The following MGAT4C variants were observed in gnomAD, a reference collection of about 807,000 sequenced individuals.
MGAT4C encodes alpha-1,3-mannosyl-glycoprotein 4-beta-N-acetylglucosaminyltransferase C.
In MGAT4C, 19 loss-of-function variants were observed where a neutral mutation model predicts 40.1. The observed-to-expected ratio is 0.47, with a 90% CI of 0.33 to 0.70. The LOEUF is 0.70. Ranked by LOEUF, MGAT4C falls within the 30% of genes least tolerant of loss-of-function variation. The probability of loss-of-function intolerance (pLI) is 0.02; values close to 1 mark genes in which losing one functional copy is unlikely to be tolerated. For missense variants in MGAT4C, 491 were observed against 563.2 expected, an observed-to-expected ratio of 0.87 and a Z score of 1.30; for synonymous variants, 181 against 187.1, an observed-to-expected ratio of 0.97 and a Z score of 0.27.
chr12:86,603,112 A>G (rs1316612253), intron 2 of MGAT4C, among the ~76,000 whole-genome samples: 2 of 150,906 alleles, frequency 1.3e-5, no homozygotes, highest in African/African-American at 4.9e-5. Flanking sequence ...GATATGAGAG[A>G]AATTGGGAGA....
At chr12:86,764,741 T>A (rs1337919788) in intron 1 of MGAT4C, among the ~76,000 whole-genome samples, 2 of 152,150 alleles carry the variant, frequency 1.3e-5, no homozygotes, top group East Asian at 3.9e-4. Flanking sequence ...CCACTGCTGA[T>A]ACCCAGGCAA....
chr12:86,196,717 A>G (rs552422053), intron 1 of MGAT4C, among the ~76,000 whole-genome samples: 3 of 152,124 alleles, frequency 2.0e-5, no homozygotes, highest in Non-Finnish European at 2.9e-5. Flanking sequence ...ATGTAATTCC[A>G]TCTCCGTTCC....
At chr12:86,368,743 A>T (rs1955657947) in intron 3 of MGAT4C, among the ~76,000 whole-genome samples, 1 of 151,820 alleles carries the variant, frequency 6.6e-6, no homozygotes, top group African/African-American at 2.4e-5. Context: ...TGGTCAGGAA[A>T]TGTACTTGGA....
chr12:86,791,321 A>G (rs1013353343), intron 1 of MGAT4C, among the ~76,000 whole-genome samples: 1 of 152,150 alleles, frequency 6.6e-6, no homozygotes, highest in Admixed American at 6.6e-5. Flanking sequence ...TTCCCATGAT[A>G]TATCCAAACA....
chr12:86,507,111 T>C (rs1345268355), intron 2 of MGAT4C, among the ~76,000 whole-genome samples: 1 of 152,192 alleles, frequency 6.6e-6, no homozygotes, highest in Non-Finnish European at 1.5e-5. Flanking sequence ...GCAAACAACA[T>C]ATTTGCACTA....
Position 86,156,885 on chromosome 12 carries a change from C to T in MGAT4C, c.-57+99354G>A, listed in dbSNP as rs1885007883. ...TTTCCACAAGAGCAAGATAATTCTC[C>T]AGAAGAAAATAGCTTAATTTTTTTT... is the stretch of plus-strand genomic sequence containing the variant. On this transcript the variant is annotated intron_variant, in intron 1 of 4. Transcript: ENST00000611864. Among the ~76,000 whole-genome samples, 3 of 152,050 alleles carry T rather than the reference C, an allele frequency of 2.0e-5. No individual in the cohort carries two copies. The South Asian group carries it at 6.2e-4, about 31-fold the overall frequency.
At chr12:86,569,040 C>T (rs564373337) in intron 2 of MGAT4C, among the ~76,000 whole-genome samples, 14 of 151,240 alleles carry the variant, frequency 9.3e-5, no homozygotes, top group South Asian at 4.2e-4. Flanking sequence ...AAAAAATGGG[C>T]GGGGGGAATA....
chr12:86,045,650 C>A (rs950405465), intron 2 of MGAT4C, among the ~76,000 whole-genome samples: 4 of 152,184 alleles, frequency 2.6e-5, no homozygotes, highest in Non-Finnish European at 4.4e-5. Context: ...TGATCTCCTA[C>A]TGTCTATTTT....
chr12:86,611,976 G>A (rs1213287042), intron 2 of MGAT4C, among the ~76,000 whole-genome samples: 1 of 152,044 alleles, frequency 6.6e-6, no homozygotes, highest in Non-Finnish European at 1.5e-5. Flanking sequence ...GAAACATCAG[G>A]AAAAAGCAAA....
intron 1 of MGAT4C, among the ~76,000 whole-genome samples, chr12:86,774,365 T>G (rs1009685340): frequency 9.8e-5 from 4 of 40,642 alleles, no homozygotes; most frequent in African/African-American, 2.5e-4. Flanking sequence ...CCTCTCTCTC[T>G]CTCTCTTTCT....
intron 2 of MGAT4C, among the ~76,000 whole-genome samples, chr12:86,655,274 A>G (rs1963816557): frequency 6.6e-6 from 1 of 152,052 alleles, no homozygotes; most frequent in African/African-American, 2.4e-5. Context: ...ATCTAGAACA[A>G]GAAATACTAT....
intron 2 of MGAT4C, among the ~76,000 whole-genome samples, chr12:86,488,923 G>A (rs189982377): frequency 5.8e-4 from 89 of 152,262 alleles, no homozygotes; most frequent in Non-Finnish European, 1.1e-3. Context: ...GCAGACAGAG[G>A]TGGGTCCCTG....
chr12:86,446,658 CATATATATATATATATAT>C (rs34157468), intron 2 of MGAT4C, among the ~76,000 whole-genome samples: 529 of 35,336 alleles, frequency 0.015, 21 homozygotes, highest in African/African-American at 0.042. Flanking sequence ...TCATGTAACT[CATATATATATATATATAT>C]ATATATATAT....
chr12:86,660,024 C>A (rs966175752), intron 2 of MGAT4C, among the ~76,000 whole-genome samples: 18 of 149,460 alleles, frequency 1.2e-4, no homozygotes, highest in African/African-American at 4.6e-4. Flanking sequence ...TCTATTTACA[C>A]AGCTTGAAGT....
chr12:86,194,412 G>T (rs1442829076), intron 1 of MGAT4C, among the ~76,000 whole-genome samples: 1 of 151,652 alleles, frequency 6.6e-6, no homozygotes, highest in African/African-American at 2.4e-5. Flanking sequence ...AGCCATAAGG[G>T]ATTCTCTTTT....
intron 2 of MGAT4C, among the ~76,000 whole-genome samples, chr12:85,997,478 T>A (rs1397913631): frequency 1.3e-5 from 2 of 152,092 alleles, no homozygotes; most frequent in Non-Finnish European, 2.9e-5. Flanking sequence ...CAAAGTCTCA[T>A]CCGAGACAAG....
At chr12:86,767,491 A>T (rs942338489) in intron 1 of MGAT4C, among the ~76,000 whole-genome samples, 1 of 152,210 alleles carries the variant, frequency 6.6e-6, no homozygotes. Context: ...ATAGAAAAAG[A>T]GGGAATCCTC....
intron 4 of MGAT4C, among the ~76,000 whole-genome samples, chr12:86,309,949 TAGGAGA>T (rs1041126743): frequency 1.9e-4 from 29 of 151,980 alleles, no homozygotes; most frequent in African/African-American, 6.0e-4. Context: ...TCTGTATTGG[TAGGAGA>T]AGGAGAAGGA....
intron 2 of MGAT4C, among the ~76,000 whole-genome samples, chr12:86,711,836 C>T (rs1291784659): frequency 6.6e-6 from 1 of 152,016 alleles, no homozygotes; most frequent in African/African-American, 2.4e-5. Flanking sequence ...AATGTGAAAC[C>T]CCTTGTTAAC....
Sources: allele counts gnomAD v4.1 joint callset (sites outside exome capture counted in the v4.1 genomes callset), GRCh38; gene constraint gnomAD v4.1.1; transcripts MANE v1.5; gene names NCBI Gene and HGNC (gene_info 2026-07-23, HGNC 2026-07-21).